The following ATOX1 variants were observed in gnomAD, a reference collection of about 807,000 sequenced individuals.
ATOX1 encodes the protein copper transport protein ATOX1.
Under a neutral mutation model 7.3 loss-of-function variants are expected in ATOX1, and 4 were observed. The observed-to-expected ratio is 0.55, with a 90% CI of 0.27 to 1.25. The LOEUF (loss-of-function observed/expected upper bound fraction) is 1.25. Ranked by LOEUF, ATOX1 falls within the 50% of genes most tolerant of loss-of-function variation. The probability of loss-of-function intolerance (pLI) is 0.12; values close to 1 mark genes in which losing one functional copy is unlikely to be tolerated. For synonymous variants in ATOX1, 25 were observed against 28.7 expected, an observed-to-expected ratio of 0.87 and a Z score of 0.41; for missense variants, 68 against 81.6, an observed-to-expected ratio of 0.83 and a Z score of 0.64.
At chr5:151,755,938 C>CT (rs914215313) in intron 1 of ATOX1, among the ~76,000 whole-genome samples, 2,459 of 118,424 alleles carry the variant, frequency 0.021, 54 homozygotes, top group African/African-American at 0.027. Flanking sequence ...TGGGATGATT[C>CT]TTTTTTTTTT....
intron 2 of ATOX1, 128 bp downstream of exon 2, chr5:151,751,576 G>T: frequency 3.6e-6 from 3 of 834,382 alleles, no homozygotes; most frequent in Non-Finnish European, 5.5e-6. Context: ...AGAGTAGTTG[G>T]CACGTGCTAA....
Position 151,758,603 on chromosome 5 carries a change from C to T in ATOX1, c.-52G>A. 3.6e-6 allele frequency: 5 copies of T among 1,382,116 alleles called. No individual in the cohort carries two copies. Among genetic ancestry groups the T allele is most frequent in the East Asian group, 3.0e-5 (1 of 33,870 alleles). 85.6% of individuals were successfully genotyped at this position (1,382,116 alleles called of 1,614,324 possible). ...GGTGTGGCGGCGGTGTCAGCAGCGCCTCTCTGGATTCGGAGGGCGGGTTCG... is the reference window on the plus strand; with the variant it reads ...GGTGTGGCGGCGGTGTCAGCAGCGCTTCTCTGGATTCGGAGGGCGGGTTCG... On this transcript the variant is annotated 5_prime_UTR_variant, in exon 1 of 4. Transcript: ENST00000313115.
intron 1 of ATOX1, among the ~76,000 whole-genome samples, chr5:151,754,305 C>T (rs1761985362): frequency 1.3e-5 from 2 of 152,154 alleles, no homozygotes; most frequent in African/African-American, 4.8e-5. Flanking sequence ...ATGATGCTCT[C>T]CTCTATTAAA....
Position 151,742,910 on chromosome 5 carries a change from T to C in ATOX1, c.*96A>G, listed in dbSNP as rs980237245. On this transcript the variant is annotated 3_prime_UTR_variant, in exon 4 of 4. Transcript: ENST00000313115. ...TCCGCAGGAACACCATCACCCGGCA[T>C]GACTGCCAAGTCCCAGGTCTGTCTG... The C allele has an allele frequency of 6.6e-6, 1 of 152,356 alleles. No individual in the cohort carries two copies. The highest frequency in any genetic ancestry group is 2.4e-5 in the African/African-American group (1 of 41,486). 9.4% of individuals were successfully genotyped at this position (152,356 alleles called of 1,614,324 possible). A position where few individuals can be genotyped will look rare whatever the true frequency, so the allele number is the denominator to read the frequency against.
chr5:151,754,980 C>CAAAAAAAAA, intron 1 of ATOX1, among the ~76,000 whole-genome samples: 1 of 48,854 alleles, frequency 2.0e-5, no homozygotes, highest in Non-Finnish European at 4.4e-5. Context: ...AGACACCGTC[C>CAAAAAAAAA]AAAAAAAAAA....
chr5:151,755,546 G>A (rs1474229073), intron 1 of ATOX1, among the ~76,000 whole-genome samples: 1 of 152,160 alleles, frequency 6.6e-6, no homozygotes, highest in Non-Finnish European at 1.5e-5. Flanking sequence ...CACATTTTTA[G>A]GGAGCACAGT....
At chr5:151,756,102 C>T (rs1283970966) in intron 1 of ATOX1, among the ~76,000 whole-genome samples, 8 of 151,812 alleles carry the variant, frequency 5.3e-5, no homozygotes, top group African/African-American at 1.5e-4. Context: ...CCACCATGCC[C>T]GGCTAATTTT....
chr5:151,757,096 A>T (rs1056021866), intron 1 of ATOX1, among the ~76,000 whole-genome samples: 5 of 152,160 alleles, frequency 3.3e-5, no homozygotes, highest in Admixed American at 1.3e-4. Flanking sequence ...CCCTTCCAGT[A>T]TGTGTATATA....
At chr5:151,755,938 C>CTTT (rs914215313) in intron 1 of ATOX1, among the ~76,000 whole-genome samples, 53 of 118,412 alleles carry the variant, frequency 4.5e-4, no homozygotes, top group Non-Finnish European at 6.4e-4. Flanking sequence ...TGGGATGATT[C>CTTT]TTTTTTTTTT....
chr5:151,743,892 A>C (rs759651723), intron 3 of ATOX1: 22 of 152,092 alleles, frequency 1.4e-4, no homozygotes, highest in Admixed American at 2.6e-4. Context: ...TCATTCTATT[A>C]CTCTACTTAC....
intron 2 of ATOX1, among the ~76,000 whole-genome samples, chr5:151,749,247 G>C (rs1221410433): frequency 1.3e-5 from 2 of 152,050 alleles, no homozygotes; most frequent in Non-Finnish European, 2.9e-5. Context: ...GCACTTTGGG[G>C]GACCAAGGTG....
intron 2 of ATOX1, among the ~76,000 whole-genome samples, chr5:151,750,560 A>T (rs565271111): frequency 2.7e-5 from 4 of 145,944 alleles, no homozygotes; most frequent in South Asian, 2.1e-4. Flanking sequence ...ATTAATTTAA[A>T]TTTTTTTTTT....
chr5:151,744,348 A>G (rs1267810181), intron 3 of ATOX1: 1 of 152,252 alleles, frequency 6.6e-6, no homozygotes, highest in East Asian at 1.9e-4. Context: ...TTTATATCCT[A>G]CTGTTCAAGG....
At chr5:151,748,065 G>T (rs1761900210) in intron 2 of ATOX1, among the ~76,000 whole-genome samples, 1 of 152,178 alleles carries the variant, frequency 6.6e-6, no homozygotes, top group Non-Finnish European at 1.5e-5. Flanking sequence ...GTTATACCAT[G>T]AATTCACAGA....
chr5:151,752,820 T>C (rs1341075682), intron 1 of ATOX1, among the ~76,000 whole-genome samples: 1 of 152,184 alleles, frequency 6.6e-6, no homozygotes, highest in Admixed American at 6.5e-5. Flanking sequence ...AGTCCCTCTC[T>C]AGATTTGTGA....
chr5:151,755,514 G>T (rs1036827200), intron 1 of ATOX1, among the ~76,000 whole-genome samples: 1 of 152,148 alleles, frequency 6.6e-6, no homozygotes, highest in African/African-American at 2.4e-5. Flanking sequence ...CTGACTCTCA[G>T]CAGAAGCTCT....
At chr5:151,752,302 T>C (rs1410306996) in intron 1 of ATOX1, 1 of 702,488 alleles carries the variant, frequency 1.4e-6, no homozygotes, top group Non-Finnish European at 2.6e-6. Flanking sequence ...TTACCCCAGG[T>C]GATTCTGCTT....
chr5:151,753,428 T>C (rs986899353), intron 1 of ATOX1, among the ~76,000 whole-genome samples: 8 of 152,336 alleles, frequency 5.3e-5, no homozygotes, highest in Admixed American at 3.3e-4. Context: ...TTCCGTTGGG[T>C]AAAAGGTTAG....
intron 1 of ATOX1, 123 bp from the exon 2 acceptor site, chr5:151,751,902 A>G: frequency 4.8e-6 from 4 of 834,572 alleles, no homozygotes; most frequent in Non-Finnish European, 5.7e-6. Context: ...CCTGGTTGGC[A>G]TCAGACTCAT....
Sources: gnomAD v4.1 joint callset for allele counts (sites outside exome capture counted in the v4.1 genomes callset) on GRCh38, gnomAD v4.1.1 for gene constraint, MANE v1.5 for transcripts, NCBI Gene and HGNC (gene_info 2026-07-23, HGNC 2026-07-21) for gene names.